Variants in LRCH1 observed in about 807,000 individuals in gnomAD.
LRCH1 encodes the protein leucine-rich repeat and calponin homology domain-containing protein 1.
In LRCH1, 23 loss-of-function variants were observed where a neutral mutation model predicts 94.9. That is an observed-to-expected ratio of 0.24 (90% confidence interval 0.17 to 0.34). LRCH1 has a LOEUF of 0.34. LRCH1 is among the 10% of genes least tolerant of loss of function. The pLI is 1.00. For synonymous variants in LRCH1, 364 were observed against 354.9 expected (o/e 1.03, Z -0.29); for missense variants, 790 against 945.9 (o/e 0.84, Z 2.16).
chr13:46,737,435 G>A (rs781569425), intron 19 of LRCH1, among the ~76,000 whole-genome samples: 8 of 152,166 alleles, frequency 5.3e-5, no homozygotes, highest in Non-Finnish European at 1.2e-4. Flanking sequence ...TTACAGTAGT[G>A]TAGAAGACAG....
chr13:46,650,816 C>T (rs1219718791), intron 2 of LRCH1, among the ~76,000 whole-genome samples: 1 of 151,052 alleles, frequency 6.6e-6, no homozygotes, highest in African/African-American at 2.4e-5. Flanking sequence ...TGAGCCCATT[C>T]ACTTTAAGCC....
chr13:46,739,408 T>G (rs1366941646), intron 19 of LRCH1, among the ~76,000 whole-genome samples: 1 of 152,250 alleles, frequency 6.6e-6, no homozygotes, highest in Non-Finnish European at 1.5e-5. Flanking sequence ...AAATACATGG[T>G]GAAATTTTGC....
chr13:46,646,450 A>G (rs1387092330), intron 1 of LRCH1, among the ~76,000 whole-genome samples: 1 of 152,226 alleles, frequency 6.6e-6, no homozygotes, highest in Non-Finnish European at 1.5e-5. Context: ...CAACCACTTC[A>G]AACAGTTTCT....
intron 2 of LRCH1, among the ~76,000 whole-genome samples, chr13:46,660,938 A>G (rs928716042): frequency 6.6e-5 from 10 of 152,158 alleles, no homozygotes; most frequent in African/African-American, 2.4e-4. Flanking sequence ...CCAAATTAGT[A>G]TATCTTCGAT....
chr13:46,587,757 ATTG>A (rs1448564304), intron 1 of LRCH1, among the ~76,000 whole-genome samples: 7 of 152,234 alleles, frequency 4.6e-5, no homozygotes, highest in Non-Finnish European at 7.3e-5. Flanking sequence ...AAATAAATCT[ATTG>A]TTGTTAACAT....
At chr13:46,564,787 GA>G (rs1165768580) in intron 1 of LRCH1, among the ~76,000 whole-genome samples, 1 of 152,230 alleles carries the variant, frequency 6.6e-6, no homozygotes, top group Non-Finnish European at 1.5e-5. Context: ...TGTTAGAAGC[GA>G]AAATGCTCTT....
At chr13:46,620,840 A>C (rs2050871178) in intron 1 of LRCH1, among the ~76,000 whole-genome samples, 1 of 152,230 alleles carries the variant, frequency 6.6e-6, no homozygotes, top group Non-Finnish European at 1.5e-5. Context: ...AAAGATAATT[A>C]ACTCCTTTAT....
intron 1 of LRCH1, among the ~76,000 whole-genome samples, chr13:46,556,831 T>G (rs1882274795): frequency 6.6e-6 from 1 of 152,218 alleles, no homozygotes; most frequent in South Asian, 2.1e-4. Flanking sequence ...CAGCATTGAT[T>G]CCACAAGAAT....
chr13:46,676,663 G>A (rs1440821136), intron 3 of LRCH1, among the ~76,000 whole-genome samples: 2 of 152,160 alleles, frequency 1.3e-5, no homozygotes, highest in Non-Finnish European at 2.9e-5. Flanking sequence ...ATAAACCTAA[G>A]TGTCAGAGCA....
intron 1 of LRCH1, among the ~76,000 whole-genome samples, chr13:46,568,192 G>A (rs1238618676): frequency 6.6e-6 from 1 of 152,126 alleles, no homozygotes; most frequent in Non-Finnish European, 1.5e-5. Context: ...ATCATAAGAG[G>A]TGCTCTCAGA....
At chr13:46,619,210 A>G (rs1433281646) in intron 1 of LRCH1, among the ~76,000 whole-genome samples, 2 of 151,770 alleles carry the variant, frequency 1.3e-5, no homozygotes, top group African/African-American at 2.4e-5. Flanking sequence ...CCCAGGTTCA[A>G]GTGATTCTCA....
At chr13:46,621,491 G>A (rs1344137817) in intron 1 of LRCH1, among the ~76,000 whole-genome samples, 1 of 152,182 alleles carries the variant, frequency 6.6e-6, no homozygotes, top group Non-Finnish European at 1.5e-5. Flanking sequence ...GAGAGTGACA[G>A]GCTTTCATTT....
chr13:46,585,703 T>C (rs976308967), intron 1 of LRCH1, among the ~76,000 whole-genome samples: 38 of 152,190 alleles, frequency 2.5e-4, no homozygotes, highest in African/African-American at 8.7e-4. Flanking sequence ...AGATTACATC[T>C]CTCGATCTTT....
At chr13:46,562,286 C>T (rs2050137716) in intron 1 of LRCH1, among the ~76,000 whole-genome samples, 1 of 152,220 alleles carries the variant, frequency 6.6e-6, no homozygotes, top group Admixed American at 6.5e-5. Context: ...CAATATTCCT[C>T]AGACTGGGTG....
intron 1 of LRCH1, among the ~76,000 whole-genome samples, chr13:46,578,229 A>G (rs2050324978): frequency 6.6e-6 from 1 of 152,240 alleles, no homozygotes; most frequent in Admixed American, 6.5e-5. Flanking sequence ...TTGGAAGAGC[A>G]GAAAGGATGC....
At chr13:46,582,892 A>G (rs2050389380) in intron 1 of LRCH1, among the ~76,000 whole-genome samples, 1 of 151,646 alleles carries the variant, frequency 6.6e-6, no homozygotes, top group African/African-American at 2.4e-5. Flanking sequence ...TTCTACTCCA[A>G]ATCTGGTAGC....
chr13:46,633,576 GGAAA>G (rs1177677193), intron 1 of LRCH1, among the ~76,000 whole-genome samples: 4 of 152,220 alleles, frequency 2.6e-5, no homozygotes, highest in Non-Finnish European at 4.4e-5. Flanking sequence ...AGTTGTGAGG[GGAAA>G]GAGACAGGCA....
At chr13:46,561,680 A>C (rs577010108) in intron 1 of LRCH1, among the ~76,000 whole-genome samples, 2 of 152,286 alleles carry the variant, frequency 1.3e-5, no homozygotes, top group South Asian at 4.1e-4. Flanking sequence ...GTGGCAATTC[A>C]AAGACAGCAC....
At chr13:46,573,428 C>G (rs1594253357) in intron 1 of LRCH1, among the ~76,000 whole-genome samples, 2 of 152,118 alleles carry the variant, frequency 1.3e-5, no homozygotes, top group East Asian at 3.9e-4. Flanking sequence ...ATCTGCACCC[C>G]CATGTTTGTT....
Sources: gnomAD v4.1 joint callset for allele counts (sites outside exome capture counted in the v4.1 genomes callset) on GRCh38, gnomAD v4.1.1 for gene constraint, MANE v1.5 for transcripts, NCBI Gene and HGNC (gene_info 2026-07-23, HGNC 2026-07-21) for gene names.